SLC6A11: variants seen among roughly 807,000 people sequenced by gnomAD.
The protein encoded by SLC6A11 is solute carrier family 6 member 11.
A neutral mutation model predicts 74.8 loss-of-function variants in SLC6A11; 25 were observed. That is an observed-to-expected ratio of 0.33 (90% CI 0.24 to 0.47). The LOEUF is 0.47. SLC6A11 is among the 20% of genes least tolerant of loss of function. SLC6A11 has a pLI of 1.00. For missense variants in SLC6A11, 574 were observed against 837.0 expected (o/e 0.69, Z 3.88); for synonymous variants, 330 against 330.2 (o/e 1.00, Z 0.01).
intron 6 of SLC6A11, among the ~76,000 whole-genome samples, chr3:10,884,265 A>G (rs923452803): frequency 4.6e-5 from 7 of 152,166 alleles, no homozygotes; most frequent in African/African-American, 1.7e-4. Flanking sequence ...TCATAAAACT[A>G]CTGATGCTGG....
chr3:10,855,144 A>G (rs13078932), intron 5 of SLC6A11, among the ~76,000 whole-genome samples: 38,095 of 152,046 alleles, frequency 0.25, 5,185 homozygotes, highest in South Asian at 0.5. Context: ...AACTTTACTA[A>G]TGAGGCTGTG....
chr3:10,823,259 G>A, intron 3 of SLC6A11, 43 bp from the exon 4 acceptor site: 2 of 1,421,958 alleles, frequency 1.4e-6, no homozygotes, highest in Non-Finnish European at 2.0e-6. Flanking sequence ...CAGCTTTCAT[G>A]GAGATTAATT....
At chr3:10,825,146 G>A (rs1174458270) in intron 4 of SLC6A11, 1 of 141,062 alleles carries the variant, frequency 7.1e-6, no homozygotes, top group African/African-American at 2.8e-5. Flanking sequence ...CGGCGCCACT[G>A]CACTCCAGCC....
intron 5 of SLC6A11, among the ~76,000 whole-genome samples, chr3:10,873,548 T>TCCTATCCTATCCTACCCTAC (rs1553671160): frequency 7.2e-6 from 1 of 139,372 alleles, no homozygotes; most frequent in African/African-American, 2.8e-5. Context: ...TCCTATCCTA[T>TCCTATCCTATCCTACCCTAC]CCTACCCTAC....
intron 4 of SLC6A11, among the ~76,000 whole-genome samples, chr3:10,837,190 G>A (rs998516670): frequency 1.3e-5 from 2 of 152,170 alleles, no homozygotes; most frequent in Non-Finnish European, 2.9e-5. Context: ...GGGAGAATTG[G>A]GAAGGATGTT....
chr3:10,846,007 T>G (rs1038350853), intron 5 of SLC6A11, among the ~76,000 whole-genome samples: 5 of 152,204 alleles, frequency 3.3e-5, no homozygotes, highest in Non-Finnish European at 7.3e-5. Context: ...TCAACTTCTC[T>G]GAGCCTCACT....
At chr3:10,886,103 G>T (rs1345816609) in intron 6 of SLC6A11, among the ~76,000 whole-genome samples, 1 of 152,214 alleles carries the variant, frequency 6.6e-6, no homozygotes, top group African/African-American at 2.4e-5. Context: ...CCTCTCAGGG[G>T]TTCCCATCTC....
intron 4 of SLC6A11, among the ~76,000 whole-genome samples, chr3:10,838,077 C>T (rs1312122714): frequency 1.3e-5 from 2 of 152,210 alleles, no homozygotes; most frequent in Non-Finnish European, 2.9e-5. Flanking sequence ...TCCTCAGTGG[C>T]AGGTTAAAGA....
At chr3:10,844,124 C>A (rs913781774) in intron 4 of SLC6A11, 90 bp from the exon 5 acceptor site, 27 of 1,508,722 alleles carry the variant, frequency 1.8e-5, no homozygotes, top group Non-Finnish European at 2.5e-5. Context: ...TGAATGAGCA[C>A]ATGGGCCCAT....
At chr3:10,937,884 A>C (rs1350094880) in intron 13 of SLC6A11, among the ~76,000 whole-genome samples, 1 of 151,988 alleles carries the variant, frequency 6.6e-6, no homozygotes, top group Non-Finnish European at 1.5e-5. Context: ...AGCAATTCAC[A>C]CCCCAGCTTC....
intron 5 of SLC6A11, among the ~76,000 whole-genome samples, chr3:10,862,014 G>A (rs1339071802): frequency 2.0e-5 from 3 of 152,108 alleles, no homozygotes; most frequent in Admixed American, 1.3e-4. Context: ...CTCCAAATGC[G>A]GCCCCTGAGT....
intron 6 of SLC6A11, among the ~76,000 whole-genome samples, chr3:10,911,277 C>G (rs966236952): frequency 7.9e-5 from 12 of 152,218 alleles, no homozygotes; most frequent in African/African-American, 2.7e-4. Flanking sequence ...GTCTCATCAG[C>G]TGCATTTTGA....
intron 11 of SLC6A11, chr3:10,933,844 C>T (rs1044077306): frequency 4.6e-6 from 2 of 430,710 alleles, no homozygotes; most frequent in Middle Eastern, 4.9e-4. Flanking sequence ...GGCCTGAGGC[C>T]AGGAGAGCTC....
intron 10 of SLC6A11, among the ~76,000 whole-genome samples, chr3:10,930,731 G>T (rs964381294): frequency 2.0e-5 from 3 of 152,146 alleles, no homozygotes; most frequent in African/African-American, 7.2e-5. Context: ...AAGGCAGGTG[G>T]TGGAGGGTGC....
chr3:10,889,904 G>T (rs1029950632), intron 6 of SLC6A11, among the ~76,000 whole-genome samples: 2 of 152,184 alleles, frequency 1.3e-5, no homozygotes, highest in African/African-American at 4.8e-5. Flanking sequence ...AGGGGGGAGA[G>T]AGAGAGAGAG....
chr3:10,925,259 T>A (rs1695587993), intron 8 of SLC6A11, among the ~76,000 whole-genome samples: 1 of 152,266 alleles, frequency 6.6e-6, no homozygotes, highest in Non-Finnish European at 1.5e-5. Flanking sequence ...AGCATTTACC[T>A]GCTTCAGTGC....
chr3:10,895,547 A>C lies in SLC6A11; in HGVS notation c.892-16543A>C, dbSNP rs901608693. ...CTTGCTTATAAGTGGGAACTGAGCA[A>C]TGAGAACACATGGACACAGGGAGGA... is the stretch of plus-strand genomic sequence containing the variant. On this transcript the variant is annotated intron_variant, in intron 6 of 13. Coordinates refer to ENST00000254488, the MANE Select transcript of SLC6A11 (RefSeq NM_014229.3). Among the ~76,000 whole-genome samples the C allele has an allele frequency of 2.6e-5, 4 of 152,294 alleles. No homozygotes were observed. In the East Asian group the frequency reaches 7.7e-4, roughly 29 times the overall value.
intron 6 of SLC6A11, among the ~76,000 whole-genome samples, chr3:10,892,868 G>A (rs1158984547): frequency 1.3e-5 from 2 of 152,212 alleles, no homozygotes; most frequent in African/African-American, 4.8e-5. Flanking sequence ...TCCCAAGGCT[G>A]TGGAAGTGCG....
At chr3:10,885,595 GATAA>G (rs1382319179) in intron 6 of SLC6A11, among the ~76,000 whole-genome samples, 3 of 81,458 alleles carry the variant, frequency 3.7e-5, no homozygotes, top group African/African-American at 1.7e-4. Context: ...CAGCCCCCAT[GATAA>G]AAAAAAAAAA....
Sources: allele counts gnomAD v4.1 joint callset (sites outside exome capture counted in the v4.1 genomes callset), GRCh38; gene constraint gnomAD v4.1.1; transcripts MANE v1.5; gene names NCBI Gene and HGNC (gene_info 2026-07-23, HGNC 2026-07-21).